Variants in RXRA observed in about 807,000 individuals in gnomAD.
The protein encoded by RXRA is retinoid X receptor alpha, also known as retinoic acid receptor RXR-alpha.
RXRA carries 5 observed loss-of-function variants against 44.5 expected under a neutral mutation model. The observed-to-expected ratio is 0.11, with a 90% confidence interval of 0.06 to 0.24. The LOEUF (loss-of-function observed/expected upper bound fraction) is 0.24. Ranked by LOEUF, RXRA falls within the 10% of genes least tolerant of loss-of-function variation. The probability of loss-of-function intolerance (pLI) is 1.00; values close to 1 mark genes in which losing one functional copy is unlikely to be tolerated. For synonymous variants in RXRA, 291 were observed against 271.4 expected (o/e 1.07, Z -0.71); for missense variants, 412 against 646.5 (o/e 0.64, Z 3.93).
chr9:134,376,111 TTCC>T (rs1204227143), intron 1 of RXRA, among the ~76,000 whole-genome samples: 1 of 152,170 alleles, frequency 6.6e-6, no homozygotes, highest in Non-Finnish European at 1.5e-5. Flanking sequence ...AGTTGGGATC[TTCC>T]TTAGGAAGGA....
At chr9:134,337,531 G>C (rs1554747499) in intron 1 of RXRA, among the ~76,000 whole-genome samples, 1 of 152,188 alleles carries the variant, frequency 6.6e-6, no homozygotes, top group African/African-American at 2.4e-5. Flanking sequence ...AGGTATCCCT[G>C]ACCCCAGTCT....
At chr9:134,360,549 C>T (rs10121396) in intron 1 of RXRA, among the ~76,000 whole-genome samples, 18,857 of 152,278 alleles carry the variant, frequency 0.12, 3,029 homozygotes, top group African/African-American at 0.38. Flanking sequence ...GCCAGCGCCC[C>T]TTCCGGCGCA....
chr9:134,351,189 C>T lies in RXRA; in HGVS notation c.28+24530C>T, dbSNP rs1006569398. Among the ~76,000 whole-genome samples, 9 of 152,204 alleles carry T rather than the reference C, an allele frequency of 5.9e-5. No individual in the cohort carries two copies. The East Asian group carries it at 1.2e-3, about 20-fold the overall frequency. On this transcript the variant is annotated intron_variant, in intron 1 of 9. Transcript: ENST00000481739. ...TCCCACACAGGCCAGGCTTGGAGCCCGCAGAGTCTGAAGAGGTGGCAGGTC... is the reference window on the plus strand; with the variant it reads ...TCCCACACAGGCCAGGCTTGGAGCCTGCAGAGTCTGAAGAGGTGGCAGGTC...
intron 7 of RXRA, among the ~76,000 whole-genome samples, chr9:134,429,784 G>T (rs1391364133): frequency 2.6e-5 from 4 of 152,330 alleles, no homozygotes; most frequent in African/African-American, 9.6e-5. Context: ...ACCCTCGTCC[G>T]GGCCTGGGTG....
chr9:134,425,883 T>C, intron 6 of RXRA: 2 of 985,306 alleles, frequency 2.0e-6, no homozygotes, highest in East Asian at 1.1e-4. Context: ...GTCGGTGTTA[T>C]TACTGTCCCT....
chr9:134,399,292 C>A (rs1251933199), intron 1 of RXRA, among the ~76,000 whole-genome samples: 1 of 152,204 alleles, frequency 6.6e-6, no homozygotes, highest in South Asian at 2.1e-4. Flanking sequence ...TGGGAGTGTG[C>A]CTTTGGGGCA....
intron 4 of RXRA, among the ~76,000 whole-genome samples, chr9:134,414,022 G>A (rs1211028950): frequency 1.3e-5 from 2 of 152,188 alleles, no homozygotes; most frequent in Non-Finnish European, 2.9e-5. Context: ...CCCGGCCTCC[G>A]GCGCCAGCGG....
chr9:134,424,598 C>G, intron 6 of RXRA: 2 of 985,476 alleles, frequency 2.0e-6, no homozygotes, highest in Non-Finnish European at 2.4e-6. Flanking sequence ...TGTGTTCTGT[C>G]TGCCGGGGCC....
chr9:134,429,059 GC>G (rs1366857954), intron 6 of RXRA, 48 bp from the exon 7 acceptor site: 5 of 1,606,444 alleles, frequency 3.1e-6, no homozygotes, highest in Non-Finnish European at 4.3e-6. Flanking sequence ...GAAGGGGCGA[GC>G]CCCGTGGGGC....
intron 1 of RXRA, among the ~76,000 whole-genome samples, chr9:134,330,948 T>C (rs1834995564): frequency 1.3e-5 from 2 of 152,224 alleles, no homozygotes; most frequent in East Asian, 3.8e-4. Context: ...CTAGGTCCTC[T>C]CTGTGCCTCC....
intron 1 of RXRA, among the ~76,000 whole-genome samples, chr9:134,340,799 T>G (rs1554748027): frequency 1.3e-5 from 2 of 152,168 alleles, no homozygotes; most frequent in Non-Finnish European, 1.5e-5. Context: ...GCAAGGAGCC[T>G]GTCTTCTGCG....
intron 6 of RXRA, chr9:134,422,689 C>A (rs1310973953): frequency 1.0e-6 from 1 of 985,222 alleles, no homozygotes. Context: ...GACACTCCCC[C>A]GTCCTGGGAC....
intron 1 of RXRA, among the ~76,000 whole-genome samples, chr9:134,337,804 T>TG (rs1162590460): frequency 6.6e-6 from 1 of 152,098 alleles, no homozygotes; most frequent in South Asian, 2.1e-4. Flanking sequence ...CGCCTCCCTC[T>TG]GGGGGGTCGC....
chr9:134,373,037 C>T (rs1313477692), intron 1 of RXRA, among the ~76,000 whole-genome samples: 6 of 152,198 alleles, frequency 3.9e-5, no homozygotes, highest in Admixed American at 6.5e-5. Flanking sequence ...TGGCGTCTGC[C>T]CCGGGTTCGT....
chr9:134,376,548 C>T (rs1454154963), intron 1 of RXRA, among the ~76,000 whole-genome samples: 1 of 13,870 alleles, frequency 7.2e-5, no homozygotes, highest in Non-Finnish European at 2.2e-4. Context: ...TGGCCAGCTG[C>T]GTGGCCTCGG....
Position 134,417,642 on chromosome 9 carries a change from C to T in RXRA, c.780+315C>T, listed in dbSNP as rs981916742. On this transcript the variant is annotated intron_variant, in intron 5 of 9. Coordinates refer to ENST00000481739, the MANE Select transcript of RXRA (RefSeq NM_002957.6). This position sits in a 1 kb window ranked among gnomAD's most constrained non-coding sequence, Gnocchi z 6.1. ...TCTGCTGGGGCCTCAGCCGCCGTGT[C>T]CCCTCGGAGTTTGGCCTGTCTCGGT... Among the ~76,000 whole-genome samples, 1 of 152,124 alleles carries T rather than the reference C, an allele frequency of 6.6e-6. No individual in the cohort carries two copies. Among genetic ancestry groups the T allele is most frequent in the Admixed American group, 6.5e-5 (1 of 15,284 alleles).
At chr9:134,367,712 G>T (rs1429176934) in intron 1 of RXRA, among the ~76,000 whole-genome samples, 1 of 152,184 alleles carries the variant, frequency 6.6e-6, no homozygotes, top group East Asian at 1.9e-4. Context: ...TCCCCCAAGG[G>T]GCACAGAGCC....
chr9:134,360,801 C>T (rs1830341849), intron 1 of RXRA, among the ~76,000 whole-genome samples: 1 of 152,218 alleles, frequency 6.6e-6, no homozygotes, highest in Non-Finnish European at 1.5e-5. Flanking sequence ...GGGACTGCCC[C>T]CAGGCAGGCT....
intron 1 of RXRA, among the ~76,000 whole-genome samples, chr9:134,389,211 C>T (rs1564281425): frequency 6.6e-6 from 1 of 152,208 alleles, no homozygotes; most frequent in Non-Finnish European, 1.5e-5. Flanking sequence ...AACCCGTTTT[C>T]CCGGATTTGT....
Sources: gnomAD v4.1 joint callset for allele counts (sites outside exome capture counted in the v4.1 genomes callset) on GRCh38, gnomAD v4.1.1 for gene constraint, Gnocchi (gnomAD v3.1) non-coding constraint, MANE v1.5 for transcripts, NCBI Gene and HGNC (gene_info 2026-07-23, HGNC 2026-07-21) for gene names.